The following SLC8A3 variants were observed in gnomAD, a reference collection of about 807,000 sequenced individuals.
SLC8A3 encodes the protein sodium/calcium exchanger 3.
A neutral mutation model predicts 65.4 loss-of-function variants in SLC8A3; 37 were observed. The observed-to-expected ratio is 0.57, with a 90% CI of 0.44 to 0.74. The LOEUF (loss-of-function observed/expected upper bound fraction) is 0.74, where lower values mean the gene tolerates loss of function less well. SLC8A3 is among the 30% of genes least tolerant of loss of function. The pLI, the probability that SLC8A3 is intolerant of heterozygous loss-of-function variation, is 0.00. For missense variants in SLC8A3, 1,112 were observed against 1,172.1 expected, an observed-to-expected ratio of 0.95 and a Z score of 0.75; for synonymous variants, 461 against 444.5, an observed-to-expected ratio of 1.04 and a Z score of -0.47.
At chr14:70,169,696 G>T (rs201932197) in intron 1 of SLC8A3, among the ~76,000 whole-genome samples, 1,659 of 146,120 alleles carry the variant, frequency 0.011, 87 homozygotes, top group East Asian at 0.078. Context: ...AAAAGTGGGG[G>T]GGGGGGCGAT....
intron 2 of SLC8A3, chr14:70,063,728 A>G: frequency 2.8e-6 from 2 of 709,420 alleles, no homozygotes; most frequent in South Asian, 1.8e-5. Flanking sequence ...AGAGAGGTGG[A>G]AGACAAGAGG....
intron 6 of SLC8A3, chr14:70,047,570 C>T (rs1012270426): frequency 3.3e-5 from 5 of 152,166 alleles, no homozygotes; most frequent in Admixed American, 2.6e-4. Context: ...CAAATAATAC[C>T]GCTGGCCTGC....
chr14:70,143,255 C>T (rs1186827948), intron 2 of SLC8A3, among the ~76,000 whole-genome samples: 5 of 152,220 alleles, frequency 3.3e-5, no homozygotes, highest in African/African-American at 4.8e-5. Context: ...GAGAGTATTC[C>T]GTGTAAACCT....
rs538014821 is a variant in SLC8A3, at chr14:70,077,140, GT to G, written c.1785-16202del. Among the ~76,000 whole-genome samples, 370 of 152,272 alleles carry G rather than the reference GT, an allele frequency of 2.4e-3. 1 individual carries two copies. Among genetic ancestry groups the G allele is most frequent in the African/African-American group, 8.5e-3 (354 of 41,544 alleles). ...AGTTATAACTGGAGCAACCAATAAA[GT>G]GATTTTTTTTTTCTTAACTCCCAGG... is the stretch of plus-strand genomic sequence containing the variant. On this transcript the variant is annotated intron_variant, in intron 2 of 6. Transcript: ENST00000356921.
At chr14:70,173,705 T>C (rs1201953642) in intron 1 of SLC8A3, among the ~76,000 whole-genome samples, 1 of 152,118 alleles carries the variant, frequency 6.6e-6, no homozygotes, top group African/African-American at 2.4e-5. Flanking sequence ...AAGTTTTAGG[T>C]CCAGCCAGGC....
chr14:70,156,919 G>A (rs931333150), intron 2 of SLC8A3, among the ~76,000 whole-genome samples: 1 of 152,212 alleles, frequency 6.6e-6, no homozygotes, highest in African/African-American at 2.4e-5. Flanking sequence ...ACCTGAAAAC[G>A]ACGGAAGATT....
At chr14:70,064,945 A>G (rs1254205759) in intron 2 of SLC8A3, among the ~76,000 whole-genome samples, 2 of 151,978 alleles carry the variant, frequency 1.3e-5, no homozygotes, top group East Asian at 3.9e-4. Flanking sequence ...ACATTTTGGG[A>G]CCATTTCCCA....
chr14:70,166,656 G>T lies in SLC8A3; in HGVS notation c.1767C>A (p.Phe589Leu). 6.3e-7 allele frequency: 1 copy of T among 1,593,154 alleles called. No homozygotes were observed. The highest frequency in any genetic ancestry group is 8.6e-7 in the Non-Finnish European group (1 of 1,168,546). Reference sequence around the variant, plus strand: ...TTACTTACACAGTTTCATCATTCTTGAATTCCAACTCCCCATATGTGTCTT... The same window carrying T: ...TTACTTACACAGTTTCATCATTCTTTAATTCCAACTCCCCATATGTGTCTT... The part of the protein sequence containing the change: ...DFEDTYGELE[F>L]KNDETVKTIR... Residue 589 changes from phenylalanine to leucine, a missense_variant, in exon 2 of 7, where the codon TTC becomes TTA. Coordinates refer to ENST00000356921, the MANE Select transcript of SLC8A3 (RefSeq NM_182932.3).
At chr14:70,187,680 G>A (rs79625796) in intron 1 of SLC8A3, among the ~76,000 whole-genome samples, 2,633 of 150,850 alleles carry the variant, frequency 0.017, 108 homozygotes, top group African/African-American at 0.061. Flanking sequence ...GGGAGGGTTA[G>A]TTATATATTT....
chr14:70,050,892 G>A, intron 5 of SLC8A3, 116 bp downstream of exon 5: 1 of 654,400 alleles, frequency 1.5e-6, no homozygotes, highest in Non-Finnish European at 2.8e-6. Context: ...ACCAGAGCTG[G>A]GAAGACTGAA....
At chr14:70,106,463 A>G (rs1293125025) in intron 2 of SLC8A3, among the ~76,000 whole-genome samples, 2 of 152,176 alleles carry the variant, frequency 1.3e-5, no homozygotes, top group African/African-American at 2.4e-5. Flanking sequence ...AATCATTTTT[A>G]TGAGTAATTA....
chr14:70,132,715 A>G (rs1594731609), intron 2 of SLC8A3, among the ~76,000 whole-genome samples: 1 of 152,180 alleles, frequency 6.6e-6, no homozygotes, highest in East Asian at 1.9e-4. Flanking sequence ...TTAACCAGAT[A>G]AATTCAGCTC....
chr14:70,181,233 A>T (rs1882723274), intron 1 of SLC8A3, among the ~76,000 whole-genome samples: 1 of 152,180 alleles, frequency 6.6e-6, no homozygotes. Context: ...TGCCTCCTCT[A>T]TGACACCATT....
At chr14:70,065,372 C>T (rs147766866) in intron 2 of SLC8A3, among the ~76,000 whole-genome samples, 115 of 152,248 alleles carry the variant, frequency 7.6e-4, no homozygotes, top group African/African-American at 2.8e-3. Flanking sequence ...ACCACATGAA[C>T]TCCAAACCCT....
chr14:70,122,548 T>C (rs1430832555), intron 2 of SLC8A3, among the ~76,000 whole-genome samples: 2 of 152,092 alleles, frequency 1.3e-5, no homozygotes, highest in Non-Finnish European at 2.9e-5. Flanking sequence ...GTACGATGGG[T>C]AGTAATAAAC....
intron 3 of SLC8A3, among the ~76,000 whole-genome samples, chr14:70,057,183 T>C (rs1888224176): frequency 6.6e-6 from 1 of 152,198 alleles, no homozygotes; most frequent in African/African-American, 2.4e-5. Context: ...GCATGATACA[T>C]AAACAAGGCA....
intron 2 of SLC8A3, among the ~76,000 whole-genome samples, chr14:70,144,310 T>TTTG (rs1895763300): frequency 2.4e-4 from 2 of 8,246 alleles, no homozygotes; most frequent in Middle Eastern, 0.05. Context: ...AACTTCCTGT[T>TTTG]TTTTTTTTTT....
rs1886539157 is a variant in SLC8A3, at chr14:70,044,509, C to T, written c.*1438G>A. 6.6e-6 allele frequency: 1 copy of T among 151,912 alleles called. No individual in the cohort carries two copies. Among genetic ancestry groups the T allele is most frequent in the African/African-American group, 2.4e-5 (1 of 41,352 alleles). The allele number at this position is 151,912 out of a possible 1,614,324, so 9.4% of individuals were successfully genotyped here. ...GTGTTTTAAAGCCAGGTCCTTCCCACATTCGTTGAGAAAAGGTCTGTAGGG... is the reference window on the plus strand; with the variant it reads ...GTGTTTTAAAGCCAGGTCCTTCCCATATTCGTTGAGAAAAGGTCTGTAGGG... On this transcript the variant is annotated 3_prime_UTR_variant, in exon 7 of 7. Coordinates refer to ENST00000356921, the MANE Select transcript of SLC8A3 (RefSeq NM_182932.3).
At chr14:70,172,059 C>A (rs1478677300) in intron 1 of SLC8A3, among the ~76,000 whole-genome samples, 5 of 152,156 alleles carry the variant, frequency 3.3e-5, no homozygotes, top group Admixed American at 1.3e-4. Context: ...GGGTCCAGCT[C>A]AACCCCTTAG....
Sources: gnomAD v4.1 joint callset for allele counts (sites outside exome capture counted in the v4.1 genomes callset) on GRCh38, gnomAD v4.1.1 for gene constraint, MANE v1.5 for transcripts, NCBI Gene and HGNC (gene_info 2026-07-23, HGNC 2026-07-21) for gene names.